Variants in MACROD2 observed in about 807,000 individuals in gnomAD.
MACROD2 encodes ADP-ribose glycohydrolase MACROD2.
A neutral mutation model predicts 70.4 loss-of-function variants in MACROD2; 36 were observed. The ratio of observed to expected loss-of-function variants is 0.51; its 90% CI spans 0.39 to 0.68. The LOEUF is 0.68. Ranked by LOEUF, MACROD2 falls within the 30% of genes least tolerant of loss-of-function variation. The pLI, the probability that MACROD2 is intolerant of heterozygous loss-of-function variation, is 0.00. For missense variants in MACROD2, 496 were observed against 538.4 expected, an observed-to-expected ratio of 0.92 and a Z score of 0.78; for synonymous variants, 172 against 178.8, an observed-to-expected ratio of 0.96 and a Z score of 0.30.
intron 5 of MACROD2, among the ~76,000 whole-genome samples, chr20:15,229,042 A>T (rs1288374372): frequency 6.6e-6 from 1 of 152,190 alleles, no homozygotes; most frequent in Non-Finnish European, 1.5e-5. Context: ...GTTCACCGAT[A>T]AGACTGGGAA....
chr20:14,883,478 A>G (rs2073634183), intron 5 of MACROD2, among the ~76,000 whole-genome samples: 1 of 151,978 alleles, frequency 6.6e-6, no homozygotes, highest in Non-Finnish European at 1.5e-5. Flanking sequence ...TTTGAAGTGA[A>G]TTTTTCATGC....
intron 3 of MACROD2, among the ~76,000 whole-genome samples, chr20:14,225,524 A>G (rs1410678602): frequency 6.6e-6 from 1 of 152,248 alleles, no homozygotes; most frequent in Non-Finnish European, 1.5e-5. Flanking sequence ...GTATTGTTAA[A>G]AATAATTACT....
chr20:15,450,871 A>G (rs976394199), intron 7 of MACROD2, among the ~76,000 whole-genome samples: 30 of 152,044 alleles, frequency 2.0e-4, no homozygotes, highest in African/African-American at 6.8e-4. Context: ...TAAACCTACC[A>G]TTGTCAGTTT....
At chr20:14,013,066 T>C (rs564966455) in intron 2 of MACROD2, among the ~76,000 whole-genome samples, 5 of 152,190 alleles carry the variant, frequency 3.3e-5, no homozygotes, top group Non-Finnish European at 7.4e-5. Context: ...AATGATGAAA[T>C]AGACTAGTGT....
At chr20:14,872,208 A>G (rs781237855) in intron 5 of MACROD2, among the ~76,000 whole-genome samples, 1 of 152,118 alleles carries the variant, frequency 6.6e-6, no homozygotes, top group African/African-American at 2.4e-5. Flanking sequence ...GCCATTTTCA[A>G]CTCATGGTTT....
chr20:16,035,158 A>T (rs1203801442), intron 15 of MACROD2, among the ~76,000 whole-genome samples: 1 of 62,754 alleles, frequency 1.6e-5, no homozygotes, highest in African/African-American at 7.2e-5. Flanking sequence ...TATAAAATAT[A>T]ATATAAAATA....
chr20:15,543,611 A>G (rs1368558342), intron 8 of MACROD2, among the ~76,000 whole-genome samples: 2 of 150,840 alleles, frequency 1.3e-5, no homozygotes, highest in African/African-American at 2.5e-5. Context: ...AAAAAAAAAA[A>G]AAATCTTAGT....
intron 5 of MACROD2, among the ~76,000 whole-genome samples, chr20:15,173,822 A>T (rs2076440264): frequency 6.6e-6 from 1 of 152,186 alleles, no homozygotes; most frequent in South Asian, 2.1e-4. Context: ...GAGTATTACT[A>T]CATTTTTACC....
chr20:14,788,776 T>G (rs975585052), intron 5 of MACROD2, among the ~76,000 whole-genome samples: 10 of 141,944 alleles, frequency 7.0e-5, no homozygotes, highest in African/African-American at 2.1e-4. Context: ...TTTTTTTTTT[T>G]TTTTTTTTTT....
chr20:15,525,499 A>T (rs2047709832), intron 8 of MACROD2, among the ~76,000 whole-genome samples: 1 of 152,240 alleles, frequency 6.6e-6, no homozygotes, highest in Non-Finnish European at 1.5e-5. Context: ...GTTGGCTTAT[A>T]ACGTGCCATG....
chr20:15,342,934 TC>T (rs1671000963), intron 6 of MACROD2, among the ~76,000 whole-genome samples: 1 of 152,218 alleles, frequency 6.6e-6, no homozygotes, highest in African/African-American at 2.4e-5. Flanking sequence ...CTTAATATCT[TC>T]CAGTTGTTTC....
chr20:15,725,699 A>T (rs1393275292), intron 8 of MACROD2, among the ~76,000 whole-genome samples: 1 of 152,142 alleles, frequency 6.6e-6, no homozygotes, highest in Non-Finnish European at 1.5e-5. Context: ...ATTGTCATGT[A>T]AATTGTAGAT....
intron 5 of MACROD2, among the ~76,000 whole-genome samples, chr20:14,812,249 A>T (rs1188130519): frequency 6.6e-6 from 1 of 152,068 alleles, no homozygotes; most frequent in Non-Finnish European, 1.5e-5. Flanking sequence ...ATGCAGCCAT[A>T]AAAAAGAATG....
rs2083284231 is a variant in MACROD2 at position 14,367,649 on chromosome 20, C to T, written c.272-125830C>T. On this transcript the variant is annotated intron_variant, in intron 3 of 17. Coordinates refer to ENST00000684519, the MANE Select transcript of MACROD2 (RefSeq NM_001351661.2). ...TCAGCTATTAATTTTATTGAGGATC[C>T]CTTGTATGTTGGATGAATTGCTTCT... Among the ~76,000 whole-genome samples the T allele has an allele frequency of 1.3e-5, 2 of 152,156 alleles. 1 individual carries two copies. The highest frequency in any genetic ancestry group is 4.1e-4 in the South Asian group (2 of 4,834).
intron 8 of MACROD2, among the ~76,000 whole-genome samples, chr20:15,859,175 A>T (rs1259306567): frequency 6.6e-6 from 1 of 152,198 alleles, no homozygotes; most frequent in Non-Finnish European, 1.5e-5. Context: ...ATCATCATAA[A>T]GGTCTTCATC....
chr20:14,730,794 T>C (rs1310275093), intron 5 of MACROD2, among the ~76,000 whole-genome samples: 1 of 152,092 alleles, frequency 6.6e-6, no homozygotes, highest in Non-Finnish European at 1.5e-5. Context: ...AAAAAAATAC[T>C]GGACAAAAGT....
At position 14,640,455 on chromosome 20, in the gene MACROD2, G is replaced by A. The variant is rs940460956; in HGVS notation, c.302-44388G>A. Among the ~76,000 whole-genome samples the A allele has an allele frequency of 4.6e-5, 7 of 152,272 alleles. No homozygotes were observed. The South Asian group carries it at 6.2e-4, about 14-fold the overall frequency. ...TGAACCCTAAGTCCCTGAGGATGCA[G>A]ACATATATACATCTAGTTTTCTATC... is the stretch of plus-strand genomic sequence containing the variant. On this transcript the variant is annotated intron_variant, in intron 4 of 17. Coordinates refer to ENST00000684519, the MANE Select transcript of MACROD2 (RefSeq NM_001351661.2).
At chr20:15,460,263 A>G (rs998586772) in intron 7 of MACROD2, among the ~76,000 whole-genome samples, 1 of 152,146 alleles carries the variant, frequency 6.6e-6, no homozygotes, top group Non-Finnish European at 1.5e-5. Context: ...CAGTGTTTCT[A>G]TTATTTCCTG....
chr20:15,023,716 A>T (rs1305324996), intron 5 of MACROD2, among the ~76,000 whole-genome samples: 9 of 152,158 alleles, frequency 5.9e-5, no homozygotes, highest in Admixed American at 5.9e-4. Flanking sequence ...AGAAAACAGC[A>T]TGGGAAAGAC....
Sources: gnomAD v4.1 joint callset for allele counts (sites outside exome capture counted in the v4.1 genomes callset) on GRCh38, gnomAD v4.1.1 for gene constraint, MANE v1.5 for transcripts, NCBI Gene and HGNC (gene_info 2026-07-23, HGNC 2026-07-21) for gene names.